The following CLPB variants were observed in gnomAD, a reference collection of about 807,000 sequenced individuals.
The protein encoded by CLPB is ClpB family mitochondrial disaggregase, also known as mitochondrial disaggregase.
A neutral mutation model predicts 78.4 loss-of-function variants in CLPB; 40 were observed. The ratio of observed to expected loss-of-function variants is 0.51; its 90% CI spans 0.40 to 0.66. The LOEUF is 0.66. CLPB is among the 30% of genes least tolerant of loss of function. The pLI is 0.00. For missense variants in CLPB, 780 were observed against 886.9 expected, an observed-to-expected ratio of 0.88 and a Z score of 1.53; for synonymous variants, 333 against 348.0, an observed-to-expected ratio of 0.96 and a Z score of 0.48.
chr11:72,423,718 A>G (rs565810970), intron 2 of CLPB, among the ~76,000 whole-genome samples: 1 of 152,296 alleles, frequency 6.6e-6, no homozygotes, highest in South Asian at 2.1e-4. Flanking sequence ...AAATTCCTCA[A>G]CGGTTGCCCA....
intron 5 of CLPB, among the ~76,000 whole-genome samples, chr11:72,358,593 C>T (rs1950767186): frequency 6.6e-6 from 1 of 152,086 alleles, no homozygotes; most frequent in African/African-American, 2.4e-5. Flanking sequence ...CACAGACAGG[C>T]AGGATGACAT....
At chr11:72,308,231 T>A (rs796100193) in intron 8 of CLPB, among the ~76,000 whole-genome samples, 23 of 152,320 alleles carry the variant, frequency 1.5e-4, no homozygotes, top group African/African-American at 5.3e-4. Flanking sequence ...GCTCTGCGCA[T>A]GCAGAGTGGC....
At chr11:72,413,247 C>CTATT (rs1855929393) in intron 2 of CLPB, among the ~76,000 whole-genome samples, 1 of 151,894 alleles carries the variant, frequency 6.6e-6, no homozygotes, top group Non-Finnish European at 1.5e-5. Context: ...CGAGATCGTG[C>CTATT]TATTGCACTC....
At chr11:72,321,857 G>C (rs1328303861) in intron 6 of CLPB, among the ~76,000 whole-genome samples, 1 of 152,004 alleles carries the variant, frequency 6.6e-6, no homozygotes, top group Non-Finnish European at 1.5e-5. Flanking sequence ...CCCTGACTCA[G>C]ATGGTGACTC....
At chr11:72,357,364 T>C (rs1022585181) in intron 5 of CLPB, among the ~76,000 whole-genome samples, 2 of 152,082 alleles carry the variant, frequency 1.3e-5, no homozygotes, top group Non-Finnish European at 2.9e-5. Flanking sequence ...AGTGACTAGG[T>C]AGCAAAAGAC....
chr11:72,332,658 A>G (rs573876121), intron 5 of CLPB: 8 of 152,288 alleles, frequency 5.3e-5, no homozygotes, highest in Admixed American at 3.3e-4. Context: ...AGCCCCAGCA[A>G]CCATTAGTTT....
chr11:72,402,923 G>A, intron 3 of CLPB, 43 bp downstream of exon 3: 1 of 1,545,786 alleles, frequency 6.5e-7, no homozygotes, highest in Non-Finnish European at 8.9e-7. Flanking sequence ...ACAGTCTGCA[G>A]AGATCTGCCT....
chr11:72,308,211 C>T (rs1035716633), intron 8 of CLPB, among the ~76,000 whole-genome samples: 2 of 152,174 alleles, frequency 1.3e-5, no homozygotes, highest in Non-Finnish European at 2.9e-5. Flanking sequence ...CAACTGTTCC[C>T]GAAGGGGAGG....
intron 9 of CLPB, chr11:72,303,900 G>T (rs979600374): frequency 1.3e-5 from 2 of 152,204 alleles, no homozygotes; most frequent in African/African-American, 4.8e-5. Context: ...AAGGTCACCT[G>T]CGCTTGGCAA....
At chr11:72,378,413 G>C (rs2135672397) in intron 4 of CLPB, among the ~76,000 whole-genome samples, 1 of 152,328 alleles carries the variant, frequency 6.6e-6, no homozygotes, top group African/African-American at 2.4e-5. Context: ...TTACATGGCA[G>C]TGGCAAGAGA....
chr11:72,309,733 C>A (rs930147089), intron 7 of CLPB, among the ~76,000 whole-genome samples: 19 of 152,274 alleles, frequency 1.2e-4, no homozygotes, highest in African/African-American at 4.3e-4. Context: ...GGAAACACGG[C>A]AGTCAGGAGC....
chr11:72,413,715 C>G (rs1855943173), intron 2 of CLPB, among the ~76,000 whole-genome samples: 1 of 152,144 alleles, frequency 6.6e-6, no homozygotes, highest in Admixed American at 6.5e-5. Flanking sequence ...TAGGATAGTT[C>G]TTCAACCTTT....
At chr11:72,360,303 T>C (rs948194294) in intron 4 of CLPB, among the ~76,000 whole-genome samples, 7 of 152,194 alleles carry the variant, frequency 4.6e-5, no homozygotes, top group Admixed American at 3.9e-4. Context: ...AGAGGCGATC[T>C]TACCTATGTA....
chr11:72,339,017 G>C (rs1258261883), intron 5 of CLPB, among the ~76,000 whole-genome samples: 1 of 152,184 alleles, frequency 6.6e-6, no homozygotes, highest in Non-Finnish European at 1.5e-5. Flanking sequence ...CCAAGGAGGT[G>C]GGTCACTGAT....
intron 4 of CLPB, among the ~76,000 whole-genome samples, chr11:72,378,838 A>C (rs962590956): frequency 6.6e-6 from 1 of 152,338 alleles, no homozygotes; most frequent in East Asian, 1.9e-4. Flanking sequence ...GGAGGAGAGA[A>C]AGGACATATG....
intron 3 of CLPB, among the ~76,000 whole-genome samples, chr11:72,394,350 T>C (rs899418997): frequency 1.3e-5 from 2 of 152,114 alleles, no homozygotes; most frequent in Non-Finnish European, 2.9e-5. Context: ...GAATGAACAC[T>C]GGATGCTTTC....
chr11:72,402,016 G>T (rs1425538119), intron 3 of CLPB, among the ~76,000 whole-genome samples: 1 of 152,048 alleles, frequency 6.6e-6, no homozygotes, highest in Non-Finnish European at 1.5e-5. Context: ...CCAACACTTT[G>T]GTAGGCTGAG....
intron 8 of CLPB, among the ~76,000 whole-genome samples, chr11:72,307,987 G>C (rs1340339620): frequency 6.6e-6 from 1 of 152,210 alleles, no homozygotes; most frequent in Non-Finnish European, 1.5e-5. Context: ...GGAGGTGGTA[G>C]TGAAGGAATG....
intron 2 of CLPB, among the ~76,000 whole-genome samples, chr11:72,403,545 AT>A: frequency 1.3e-5 from 2 of 152,216 alleles, no homozygotes; most frequent in East Asian, 3.9e-4. Flanking sequence ...TCCTTCCTTA[AT>A]TTCCCAATGC....
Sources: allele counts gnomAD v4.1 joint callset (sites outside exome capture counted in the v4.1 genomes callset), GRCh38; gene constraint gnomAD v4.1.1; transcripts MANE v1.5; gene names NCBI Gene and HGNC (gene_info 2026-07-23, HGNC 2026-07-21).